CUX2: variants seen among roughly 807,000 people sequenced by gnomAD.
CUX2 encodes the protein cut like homeobox 2, also known as homeobox protein cut-like 2.
In CUX2, 40 loss-of-function variants were observed where a neutral mutation model predicts 144.8. The observed-to-expected ratio is 0.28, with a 90% confidence interval of 0.21 to 0.36. The LOEUF is 0.36. Ranked by LOEUF, CUX2 falls within the 10% of genes least tolerant of loss-of-function variation. CUX2 has a pLI of 1.00. For synonymous variants in CUX2, 827 were observed against 875.6 expected, an observed-to-expected ratio of 0.94 and a Z score of 0.98; for missense variants, 1,615 against 1,994.0, an observed-to-expected ratio of 0.81 and a Z score of 3.62.
At chr12:111,339,109 G>A (rs1888474605) in intron 20 of CUX2, among the ~76,000 whole-genome samples, 1 of 151,906 alleles carries the variant, frequency 6.6e-6, no homozygotes, top group Non-Finnish European at 1.5e-5. Flanking sequence ...GTGCACACCT[G>A]TAATCGCAGC....
intron 16 of CUX2, among the ~76,000 whole-genome samples, chr12:111,314,045 C>A (rs1442025348): frequency 6.6e-6 from 1 of 152,214 alleles, no homozygotes; most frequent in East Asian, 1.9e-4. Context: ...CTGCCTGGTC[C>A]CCGGGAGGGG....
intron 3 of CUX2, among the ~76,000 whole-genome samples, chr12:111,221,641 T>C (rs1881866204): frequency 6.6e-6 from 1 of 152,212 alleles, no homozygotes; most frequent in South Asian, 2.1e-4. Context: ...TTCAGTTTCA[T>C]GGTAAGTACC....
At chr12:111,324,967 C>T (rs1887703667) in intron 18 of CUX2, among the ~76,000 whole-genome samples, 1 of 152,032 alleles carries the variant, frequency 6.6e-6, no homozygotes, top group African/African-American at 2.4e-5. Context: ...AAACTCCTCT[C>T]CATAAGGCTG....
At chr12:111,094,627 A>G (rs925875063) in intron 1 of CUX2, among the ~76,000 whole-genome samples, 1 of 152,122 alleles carries the variant, frequency 6.6e-6, no homozygotes, top group African/African-American at 2.4e-5. Flanking sequence ...CCTCCCCAGT[A>G]TCTGGGACTA....
chr12:111,062,843 G>A (rs1261928008), intron 1 of CUX2, among the ~76,000 whole-genome samples: 1 of 152,152 alleles, frequency 6.6e-6, no homozygotes, highest in Non-Finnish European at 1.5e-5. Flanking sequence ...CGAGATGTGC[G>A]AAGGCCCTGG....
At chr12:111,294,757 G>T (rs1021470246) in intron 6 of CUX2, among the ~76,000 whole-genome samples, 2 of 151,974 alleles carry the variant, frequency 1.3e-5, no homozygotes, top group Admixed American at 1.3e-4. Flanking sequence ...ATTAAGCTGT[G>T]TGTGGTGGCA....
intron 4 of CUX2, among the ~76,000 whole-genome samples, chr12:111,279,156 C>T (rs1233852108): frequency 2.0e-5 from 3 of 152,134 alleles, no homozygotes; most frequent in Non-Finnish European, 4.4e-5. Context: ...CCTCAGGAGT[C>T]GGAGAGAATG....
chr12:111,161,872 C>T (rs574153226), intron 1 of CUX2, among the ~76,000 whole-genome samples: 2 of 152,302 alleles, frequency 1.3e-5, no homozygotes, highest in Admixed American at 1.3e-4. Flanking sequence ...GTAGCTGGGA[C>T]TACAGGCATG....
At chr12:111,216,466 A>T (rs969581749) in intron 2 of CUX2, among the ~76,000 whole-genome samples, 1 of 152,206 alleles carries the variant, frequency 6.6e-6, no homozygotes, top group African/African-American at 2.4e-5. Flanking sequence ...AATATTTAGC[A>T]TCTCAGATGA....
chr12:111,246,752 G>A lies in CUX2; in HGVS notation c.223-17009G>A, dbSNP rs1883298594. On this transcript the variant is annotated intron_variant, in intron 3 of 21. Transcript: ENST00000261726. This position sits in a 1 kb window ranked among gnomAD's most constrained non-coding sequence, Gnocchi z 4.0. ...TCACCTCTCACCTTTGTATGCAACT[G>A]CTCTCCCTCCTGTTGAATCAACGGC... Among the ~76,000 whole-genome samples the A allele has an allele frequency of 6.6e-6, 1 of 152,186 alleles. No individual in the cohort carries two copies. The highest frequency in any genetic ancestry group is 1.5e-5 in the Non-Finnish European group (1 of 68,040).
intron 1 of CUX2, among the ~76,000 whole-genome samples, chr12:111,146,861 C>T (rs1228607464): frequency 2.0e-5 from 3 of 152,082 alleles, no homozygotes; most frequent in African/African-American, 4.8e-5. Flanking sequence ...GGGCCAGGTG[C>T]GGTGGCTGAC....
chr12:111,346,401 G>A (rs1888806796), intron 21 of CUX2, among the ~76,000 whole-genome samples: 2 of 150,900 alleles, frequency 1.3e-5, no homozygotes, highest in African/African-American at 2.4e-5. Context: ...GGTTGAACCC[G>A]GGAGGCAGAG....
At position 111,304,560 on chromosome 12, in the gene CUX2, C is replaced by T. The variant is rs1365151801; in HGVS notation, c.858+246C>T. On this transcript the variant is annotated intron_variant, in intron 10 of 21. Transcript: ENST00000261726. This position sits in a 1 kb window ranked among gnomAD's most constrained non-coding sequence, Gnocchi z 4.7. Reference sequence around the variant, plus strand: ...CTTTTCAAGCCCACGTTTCCATATACCCTTTATTACCAGGAGTTCCAGTAT... The same window carrying T: ...CTTTTCAAGCCCACGTTTCCATATATCCTTTATTACCAGGAGTTCCAGTAT... 6.6e-6 allele frequency among the ~76,000 whole-genome samples: 1 copy of T among 152,178 alleles called. No homozygotes were observed. The highest frequency in any genetic ancestry group is 1.9e-4 in the East Asian group (1 of 5,202).
chr12:111,282,265 T>C (rs1453062239), intron 4 of CUX2, among the ~76,000 whole-genome samples: 1 of 146,272 alleles, frequency 6.8e-6, no homozygotes, highest in Non-Finnish European at 1.5e-5. Context: ...GAGCTTGCAG[T>C]GAGCCAAGAT....
At chr12:111,203,893 C>G (rs1281016941) in intron 1 of CUX2, among the ~76,000 whole-genome samples, 1 of 152,202 alleles carries the variant, frequency 6.6e-6, no homozygotes. Flanking sequence ...ATCAGGCTGA[C>G]AAGATTTGCC....
At chr12:111,330,738 T>TATATATATATACATATAC (rs1888085406) in intron 18 of CUX2, among the ~76,000 whole-genome samples, 1 of 62,922 alleles carries the variant, frequency 1.6e-5, no homozygotes. Flanking sequence ...TATATATATA[T>TATATATATATACATATAC]ATATATATAT....
chr12:111,144,638 C>T (rs1451136902), intron 1 of CUX2, among the ~76,000 whole-genome samples: 11 of 152,248 alleles, frequency 7.2e-5, no homozygotes, highest in Admixed American at 7.2e-4. Flanking sequence ...ACATCTCCCT[C>T]GTGCTCAGCT....
chr12:111,151,324 A>G (rs922317857), intron 1 of CUX2, among the ~76,000 whole-genome samples: 3 of 152,184 alleles, frequency 2.0e-5, no homozygotes, highest in Non-Finnish European at 4.4e-5. Flanking sequence ...CAGTAACTGT[A>G]AGAAGATTTA....
At chr12:111,154,623 C>T (rs971094240) in intron 1 of CUX2, among the ~76,000 whole-genome samples, 1 of 152,120 alleles carries the variant, frequency 6.6e-6, no homozygotes, top group South Asian at 2.1e-4. Context: ...CTGGCCAAGA[C>T]GGGGAGATGC....
Sources: allele counts gnomAD v4.1 joint callset (sites outside exome capture counted in the v4.1 genomes callset), GRCh38; gene constraint gnomAD v4.1.1; non-coding constraint Gnocchi (gnomAD v3.1); transcripts MANE v1.5; gene names NCBI Gene and HGNC (gene_info 2026-07-23, HGNC 2026-07-21).